ULK4: variants seen among roughly 807,000 people sequenced by gnomAD.
The protein encoded by ULK4 is inactive serine/threonine-protein kinase ULK4.
In ULK4, 133 loss-of-function variants were observed where a neutral mutation model predicts 160.6. The ratio of observed to expected loss-of-function variants is 0.83; its 90% CI spans 0.72 to 0.96. The LOEUF (loss-of-function observed/expected upper bound fraction) is 0.96, where lower values mean the gene tolerates loss of function less well. Among genes scored for constraint, ULK4 ranks in the 40% least tolerant of loss-of-function variants. The probability of loss-of-function intolerance (pLI) is 0.00; values close to 1 mark genes in which losing one functional copy is unlikely to be tolerated. For missense variants in ULK4, 1,580 were observed against 1,499.5 expected, an observed-to-expected ratio of 1.05 and a Z score of -0.89; for synonymous variants, 534 against 539.8, an observed-to-expected ratio of 0.99 and a Z score of 0.15.
intron 31 of ULK4, among the ~76,000 whole-genome samples, chr3:41,602,304 AGGAAAGGAAAGGAAAGGAGGAAG>A (rs200223344): frequency 8.5e-5 from 10 of 116,968 alleles, no homozygotes; most frequent in East Asian, 7.8e-4. Context: ...AGGAAAGGAA[AGGAAAGGAAAGGAAAGGAGGAAG>A]GGAAAGGAAA....
chr3:41,341,922 A>G (rs1023992), intron 35 of ULK4, among the ~76,000 whole-genome samples: 9,700 of 152,300 alleles, frequency 0.064, 758 homozygotes, highest in East Asian at 0.2. Context: ...ATGGTCTCAC[A>G]AAGTCAAAAA....
chr3:41,728,114 T>A (rs981787365), intron 22 of ULK4, among the ~76,000 whole-genome samples: 18 of 152,270 alleles, frequency 1.2e-4, no homozygotes, highest in African/African-American at 3.9e-4. Context: ...TATGTGAGTG[T>A]GAGTTCAGAG....
intron 17 of ULK4, among the ~76,000 whole-genome samples, chr3:41,853,254 T>C (rs1025425179): frequency 1.3e-4 from 20 of 152,198 alleles, no homozygotes; most frequent in Admixed American, 1.3e-4. Flanking sequence ...ATGCTCATGC[T>C]GCTGGTCTAG....
chr3:41,495,558 A>C (rs1412781753), intron 32 of ULK4, among the ~76,000 whole-genome samples: 4 of 151,286 alleles, frequency 2.6e-5, no homozygotes, highest in African/African-American at 9.7e-5. Flanking sequence ...CAATGGCAAC[A>C]AAGGACAAAA....
At chr3:41,450,699 A>G (rs527609362) in intron 34 of ULK4, among the ~76,000 whole-genome samples, 1 of 152,310 alleles carries the variant, frequency 6.6e-6, no homozygotes, top group African/African-American at 2.4e-5. Context: ...TTTTTTATCA[A>G]CCACTGTAAA....
intron 17 of ULK4, among the ~76,000 whole-genome samples, chr3:41,856,572 TATGTGTATATATATAC>T (rs1462277811): frequency 2.3e-4 from 19 of 82,582 alleles, no homozygotes; most frequent in African/African-American, 1.2e-3. Context: ...CACATATATA[TATGTGTATATATATAC>T]ACATATATAT....
At chr3:41,402,337 T>A (rs1207652623) in intron 34 of ULK4, among the ~76,000 whole-genome samples, 1 of 152,168 alleles carries the variant, frequency 6.6e-6, no homozygotes, top group Non-Finnish European at 1.5e-5. Flanking sequence ...CCAACGGGTA[T>A]TCCTTTTATT....
intron 21 of ULK4, among the ~76,000 whole-genome samples, chr3:41,756,381 T>C (rs1300087427): frequency 6.6e-6 from 1 of 152,214 alleles, no homozygotes; most frequent in Non-Finnish European, 1.5e-5. Flanking sequence ...TAAAATATTC[T>C]CAATAGTTAC....
intron 21 of ULK4, among the ~76,000 whole-genome samples, chr3:41,785,406 TAAC>T (rs2039971739): frequency 1.3e-5 from 2 of 152,200 alleles, no homozygotes; most frequent in Admixed American, 1.3e-4. Context: ...ACCAACATGT[TAAC>T]AAAAATTATG....
intron 34 of ULK4, among the ~76,000 whole-genome samples, chr3:41,427,955 A>T (rs532546827): frequency 6.6e-6 from 1 of 152,192 alleles, no homozygotes; most frequent in African/African-American, 2.4e-5. Context: ...AAAGGGTATT[A>T]AAATAGGAAG....
At chr3:41,343,806 C>A (rs1575450660) in intron 35 of ULK4, among the ~76,000 whole-genome samples, 1 of 152,072 alleles carries the variant, frequency 6.6e-6, no homozygotes, top group Non-Finnish European at 1.5e-5. Context: ...AAGTGAAGAA[C>A]CTTTTCAAGG....
At chr3:41,672,915 C>A (rs1478453893) in intron 29 of ULK4, among the ~76,000 whole-genome samples, 1 of 152,126 alleles carries the variant, frequency 6.6e-6, no homozygotes, top group Non-Finnish European at 1.5e-5. Flanking sequence ...CAGTTCACTG[C>A]AGCCTTGACT....
chr3:41,731,686 AAAAAAGAAC>A (rs943458617), intron 22 of ULK4, among the ~76,000 whole-genome samples: 5 of 151,738 alleles, frequency 3.3e-5, no homozygotes, highest in African/African-American at 1.2e-4. Context: ...GAAAAAAAAA[AAAAAAGAAC>A]AAAAGCTGGT....
At chr3:41,618,072 G>A (rs1222159136) in intron 30 of ULK4, among the ~76,000 whole-genome samples, 2 of 151,976 alleles carry the variant, frequency 1.3e-5, no homozygotes, top group Non-Finnish European at 2.9e-5. Context: ...AAAGATTAGA[G>A]AAAAAAGAAG....
chr3:41,705,006 A>G (rs776313563), intron 27 of ULK4, 51 bp downstream of exon 27: 1 of 1,461,458 alleles, frequency 6.8e-7, no homozygotes, highest in East Asian at 2.3e-5. Context: ...TATATAAGGA[A>G]TTACCAAGTA....
In ULK4 at chr3:41,553,102, T is replaced by C. The variant is rs535347654; in HGVS notation, c.3226+12923A>G. Among the ~76,000 whole-genome samples, 19 of 151,986 alleles carry C rather than the reference T, an allele frequency of 1.3e-4. No individual in the cohort carries two copies. The East Asian group carries it at 3.5e-3, about 28-fold the overall frequency. Reference sequence around the variant, plus strand: ...CCTCTCACCTCATACAAAAATCAACTCAGGATAGATCAAAGACTTAACCAT... The same window carrying C: ...CCTCTCACCTCATACAAAAATCAACCCAGGATAGATCAAAGACTTAACCAT... On this transcript the variant is annotated intron_variant, in intron 32 of 36. Coordinates refer to ENST00000301831, the MANE Select transcript of ULK4 (RefSeq NM_017886.4).
At chr3:41,454,343 C>T (rs776558956) in intron 34 of ULK4, among the ~76,000 whole-genome samples, 22 of 150,058 alleles carry the variant, frequency 1.5e-4, no homozygotes, top group Middle Eastern at 3.4e-3. Flanking sequence ...AATTTGAGAC[C>T]GGCCTGGACA....
intron 22 of ULK4, 87 bp downstream of exon 22, chr3:41,754,274 A>C: frequency 2.1e-6 from 3 of 1,416,316 alleles, no homozygotes; most frequent in Non-Finnish European, 2.8e-6. Flanking sequence ...AATACCAGAT[A>C]CACAGAGGCC....
At chr3:41,582,614 C>G (rs770494789) in intron 31 of ULK4, among the ~76,000 whole-genome samples, 1 of 152,180 alleles carries the variant, frequency 6.6e-6, no homozygotes, top group African/African-American at 2.4e-5. Flanking sequence ...TGCTTTCACA[C>G]GGCCCTGTTG....
Sources: allele counts gnomAD v4.1 joint callset (sites outside exome capture counted in the v4.1 genomes callset), GRCh38; gene constraint gnomAD v4.1.1; transcripts MANE v1.5; gene names NCBI Gene and HGNC (gene_info 2026-07-23, HGNC 2026-07-21).